KPNA3: variants seen among roughly 807,000 people sequenced by gnomAD.
KPNA3 encodes the protein importin subunit alpha-4.
KPNA3 carries 13 observed loss-of-function variants against 73.8 expected under a neutral mutation model. The ratio of observed to expected loss-of-function variants is 0.18; its 90% CI spans 0.11 to 0.28. KPNA3 has a LOEUF of 0.28. Among genes scored for constraint, KPNA3 ranks in the 10% least tolerant of loss-of-function variants. KPNA3 has a pLI of 1.00. For missense variants in KPNA3, 360 were observed against 618.1 expected, an observed-to-expected ratio of 0.58 and a Z score of 4.43; for synonymous variants, 186 against 206.9, an observed-to-expected ratio of 0.90 and a Z score of 0.87.
At chr13:49,715,282 T>G (rs1365929152) in intron 10 of KPNA3, among the ~76,000 whole-genome samples, 1 of 152,064 alleles carries the variant, frequency 6.6e-6, no homozygotes, top group Non-Finnish European at 1.5e-5. Context: ...ACTAATATCC[T>G]TAATATATAA....
intron 10 of KPNA3, among the ~76,000 whole-genome samples, chr13:49,712,689 A>G (rs1954270602): frequency 6.6e-6 from 1 of 152,156 alleles, no homozygotes; most frequent in Non-Finnish European, 1.5e-5. Flanking sequence ...AGGCAAGAAG[A>G]GAAAATAGAA....
chr13:49,768,312 G>A (rs566940920), intron 1 of KPNA3, among the ~76,000 whole-genome samples: 4 of 147,792 alleles, frequency 2.7e-5, no homozygotes, highest in African/African-American at 7.5e-5. Context: ...CTACATAGAA[G>A]CCAATATGCA....
In KPNA3 at chr13:49,705,533, A is replaced by G. The variant is rs1387717732; in HGVS notation, c.1372+88T>C. On this transcript the variant is annotated intron_variant, in intron 15 of 16. Transcript: ENST00000261667. ...TCATTTAAAAACAACGTATCCTAGTAATTTTCTGTCTAGTAAGTTGACTTT... is the reference window on the plus strand; with the variant it reads ...TCATTTAAAAACAACGTATCCTAGTGATTTTCTGTCTAGTAAGTTGACTTT... 3.1e-6 allele frequency: 4 copies of G among 1,284,980 alleles called. No homozygotes were observed. In the Admixed American group the frequency reaches 8.4e-5, roughly 27 times the overall value. The allele number at this position is 1,284,980 out of a possible 1,614,324, so 79.6% of individuals were successfully genotyped here.
At chr13:49,732,875 A>G in intron 3 of KPNA3, 82 bp downstream of exon 3, 1 of 1,309,914 alleles carries the variant, frequency 7.6e-7, no homozygotes, top group Non-Finnish European at 1.1e-6. Context: ...ATCATTATAA[A>G]GTTGGTCTTA....
intron 1 of KPNA3, among the ~76,000 whole-genome samples, chr13:49,790,782 C>T (rs1242116604): frequency 6.6e-6 from 1 of 152,182 alleles, no homozygotes; most frequent in Non-Finnish European, 1.5e-5. Flanking sequence ...GCTACCAGAA[C>T]ACAATAGAGG....
chr13:49,792,478 T>A lies in KPNA3; in HGVS notation c.29A>T (p.His10Leu). The change falls in exon 1 of 17, where the codon CAC becomes CTC. Residue 10 changes from histidine to leucine, a missense_variant. Around this residue, in one of 3 missense-constraint regions of KPNA3, gnomAD observed 35 missense variants for 30.0 expected, o/e 1.17. Coordinates refer to ENST00000261667, the MANE Select transcript of KPNA3 (RefSeq NM_002267.4). MAENPSLEN[H>L]RIKSFKNKGR... is the part of the protein sequence containing the mutation. Reference sequence around the variant, plus strand: ...CTTGTTCTTGAAGCTCTTGATGCGGTGGTTCTCCAAGCTGGGGTTCTCGGC... The same window carrying A: ...CTTGTTCTTGAAGCTCTTGATGCGGAGGTTCTCCAAGCTGGGGTTCTCGGC... 1 of 1,580,994 alleles carries A rather than the reference T, an allele frequency of 6.3e-7. No homozygotes were observed. The highest frequency in any genetic ancestry group is 8.6e-7 in the Non-Finnish European group (1 of 1,165,240).
At chr13:49,724,062 GACTTC>G (rs1401198279) in intron 7 of KPNA3, among the ~76,000 whole-genome samples, 1 of 152,048 alleles carries the variant, frequency 6.6e-6, no homozygotes, top group Non-Finnish European at 1.5e-5. Flanking sequence ...TGGGGGGTCT[GACTTC>G]ACTTAACATT....
At chr13:49,730,469 A>C (rs912880790) in intron 6 of KPNA3, among the ~76,000 whole-genome samples, 2 of 122,098 alleles carry the variant, frequency 1.6e-5, no homozygotes, top group Non-Finnish European at 3.2e-5. Context: ...GCAGTGAGCC[A>C]AGATTGCACC....
intron 1 of KPNA3, among the ~76,000 whole-genome samples, chr13:49,748,163 C>T (rs1448940284): frequency 6.6e-6 from 1 of 152,152 alleles, no homozygotes; most frequent in East Asian, 1.9e-4. Context: ...TATGGTTTTG[C>T]TTAAGTCAGC....
chr13:49,777,444 C>G (rs1322335445), intron 1 of KPNA3, among the ~76,000 whole-genome samples: 1 of 152,150 alleles, frequency 6.6e-6, no homozygotes, highest in African/African-American at 2.4e-5. Context: ...TTAAAATCAT[C>G]TCTAGATTAC....
chr13:49,792,592 A>AG lies in KPNA3; in HGVS notation c.-87dup. The stretch of plus-strand genomic sequence containing the variant: ...TTGGAGCGGGAGGGGGAGGAGGGGG[A>AG]GAGCGGGAGGGGGGAGGGGAGAGAA... On this transcript the variant is annotated 5_prime_UTR_variant, in exon 1 of 17. Transcript: ENST00000261667. 8.5e-6 allele frequency: 1 copy of AG among 118,298 alleles called. No individual in the cohort carries two copies. 7.3% of individuals were successfully genotyped at this position (118,298 alleles called of 1,614,324 possible).
At chr13:49,791,830 C>T (rs2236354) in intron 1 of KPNA3, among the ~76,000 whole-genome samples, 39,711 of 152,156 alleles carry the variant, frequency 0.26, 6,214 homozygotes, top group Non-Finnish European at 0.35. Flanking sequence ...AAGACGAGCA[C>T]TGGAATATAA....
rs1453862314 is a variant in KPNA3 at position 49,706,379 on chromosome 13, T to G, written c.1033-7A>C. 1 of 1,600,078 alleles carries G rather than the reference T, an allele frequency of 6.2e-7. No homozygotes were observed. Among genetic ancestry groups the G allele is most frequent in the Non-Finnish European group, 8.6e-7 (1 of 1,167,868 alleles). ...AAAGGAACCACACTGCTTCCTATAA[T>G]TGAACAAAATATAGGGCACCTTTAT... On this transcript the variant is annotated splice_polypyrimidine_tract_variant and splice_region_variant and intron_variant, in intron 12 of 16. Coordinates refer to ENST00000261667, the MANE Select transcript of KPNA3 (RefSeq NM_002267.4).
chr13:49,791,471 T>C (rs1955032175), intron 1 of KPNA3, among the ~76,000 whole-genome samples: 1 of 152,200 alleles, frequency 6.6e-6, no homozygotes, highest in East Asian at 1.9e-4. Context: ...AATGTCACCT[T>C]AATGAGACAA....
chr13:49,753,645 C>T (rs1432528261), intron 1 of KPNA3, among the ~76,000 whole-genome samples: 1 of 152,224 alleles, frequency 6.6e-6, no homozygotes, highest in Admixed American at 6.5e-5. Context: ...AGCCAGGCTG[C>T]ACAGCAGCAG....
chr13:49,788,782 C>T (rs1955007257), intron 1 of KPNA3, among the ~76,000 whole-genome samples: 1 of 145,580 alleles, frequency 6.9e-6, no homozygotes, highest in Non-Finnish European at 1.5e-5. Context: ...GGAAATGTTT[C>T]CCTTTCAATA....
At chr13:49,726,060 C>G (rs1246708021) in intron 6 of KPNA3, among the ~76,000 whole-genome samples, 2 of 152,192 alleles carry the variant, frequency 1.3e-5, no homozygotes, top group Non-Finnish European at 2.9e-5. Context: ...CTTCGACTTC[C>G]TCTCCACAGA....
chr13:49,787,817 C>T (rs1183898273), intron 1 of KPNA3, among the ~76,000 whole-genome samples: 1 of 151,576 alleles, frequency 6.6e-6, no homozygotes, highest in Non-Finnish European at 1.5e-5. Context: ...GTAGCTGGGA[C>T]TACAGGCACG....
intron 6 of KPNA3, among the ~76,000 whole-genome samples, chr13:49,730,942 G>C (rs7990794): frequency 2.4e-4 from 36 of 150,084 alleles, no homozygotes; most frequent in Admixed American, 8.7e-4. Context: ...ACGCCCGGCT[G>C]ATTTTTTTTA....
Sources: allele counts gnomAD v4.1 joint callset (sites outside exome capture counted in the v4.1 genomes callset), GRCh38; gene constraint gnomAD v4.1.1; regional missense constraint gnomAD v4.1.1; transcripts MANE v1.5; gene names NCBI Gene and HGNC (gene_info 2026-07-23, HGNC 2026-07-21).